Variants in HIP1 observed in about 807,000 individuals in gnomAD.
The protein encoded by HIP1 is huntingtin interacting protein 1.
A neutral mutation model predicts 147.6 loss-of-function variants in HIP1; 65 were observed. The observed-to-expected ratio is 0.44, with a 90% confidence interval of 0.36 to 0.54. The LOEUF is 0.54. Among genes scored for constraint, HIP1 ranks in the 20% least tolerant of loss-of-function variants. The pLI, the probability that HIP1 is intolerant of heterozygous loss-of-function variation, is 0.00. For missense variants in HIP1, 1,061 were observed against 1,299.6 expected (o/e 0.82, Z 2.82); for synonymous variants, 479 against 504.0 (o/e 0.95, Z 0.67).
At position 75,721,104 on chromosome 7, in the gene HIP1, C is replaced by T. The variant is rs143642812; in HGVS notation, c.120+17697G>A. On this transcript the variant is annotated intron_variant, in intron 1 of 30. Transcript: ENST00000336926. Reference sequence around the variant, plus strand: ...AAAATTAGCTGGTCACAGCCATGCACGGTGGCTCACACCTGTAATCCCAGC... The same window carrying T: ...AAAATTAGCTGGTCACAGCCATGCATGGTGGCTCACACCTGTAATCCCAGC... Among the ~76,000 whole-genome samples the T allele has an allele frequency of 6.2e-3, 937 of 151,268 alleles. 16 individuals are homozygous for T. The highest frequency in any genetic ancestry group is 0.021 in the African/African-American group (871 of 41,232).
chr7:75,693,919 CTTTTTTTT>C (rs10628011), intron 1 of HIP1, among the ~76,000 whole-genome samples: 2 of 114,876 alleles, frequency 1.7e-5, no homozygotes, highest in Admixed American at 1.1e-4. Flanking sequence ...ATTCTCTTTT[CTTTTTTTT>C]TTTTTTTTTT....
intron 9 of HIP1, among the ~76,000 whole-genome samples, chr7:75,567,361 G>T (rs1380953535): frequency 6.6e-6 from 1 of 151,224 alleles, no homozygotes; most frequent in Non-Finnish European, 1.5e-5. Context: ...GATGAAGTCT[G>T]GGGCATAAGC....
intron 1 of HIP1, among the ~76,000 whole-genome samples, chr7:75,704,547 A>G (rs759007537): frequency 7.1e-5 from 10 of 141,404 alleles, no homozygotes; most frequent in Non-Finnish European, 1.5e-4. Flanking sequence ...CCCAGCCTAC[A>G]TAACAGCTTA....
intron 1 of HIP1, among the ~76,000 whole-genome samples, chr7:75,696,541 C>T (rs1463056401): frequency 2.9e-5 from 3 of 105,006 alleles, no homozygotes; most frequent in African/African-American, 1.1e-4. Flanking sequence ...CCTCCCCTCC[C>T]TTCCCTTCCC....
chr7:75,713,943 G>A (rs1232974934), intron 1 of HIP1, among the ~76,000 whole-genome samples: 2 of 151,320 alleles, frequency 1.3e-5, no homozygotes, highest in South Asian at 2.1e-4. Context: ...CAAGTGATCC[G>A]TCCATCTCAG....
intron 1 of HIP1, among the ~76,000 whole-genome samples, chr7:75,608,449 C>A (rs782808617): frequency 6.6e-6 from 1 of 152,174 alleles, no homozygotes; most frequent in Non-Finnish European, 1.5e-5. Context: ...CAGTTCTCTA[C>A]ACAGATAAGG....
At chr7:75,585,061 G>A (rs1267786489) in intron 5 of HIP1, among the ~76,000 whole-genome samples, 1 of 151,922 alleles carries the variant, frequency 6.6e-6, no homozygotes. Context: ...TGTTGGTCAG[G>A]CTGGTCTCCA....
At chr7:75,713,231 G>A (rs1347520918) in intron 1 of HIP1, among the ~76,000 whole-genome samples, 3 of 152,174 alleles carry the variant, frequency 2.0e-5, no homozygotes, top group Non-Finnish European at 4.4e-5. Context: ...CACCAGCCCT[G>A]GCTTTGGCTC....
At chr7:75,709,317 C>CGGTCAGG (rs1801097003) in intron 1 of HIP1, among the ~76,000 whole-genome samples, 1 of 151,804 alleles carries the variant, frequency 6.6e-6, no homozygotes, top group Non-Finnish European at 1.5e-5. Context: ...TTCACCATGT[C>CGGTCAGG]GGTCAGGCTG....
chr7:75,674,493 C>CTTTTTGTTTT (rs1483310993), intron 1 of HIP1, among the ~76,000 whole-genome samples: 314 of 69,752 alleles, frequency 4.5e-3, no homozygotes, highest in African/African-American at 0.019. Flanking sequence ...AACTCTGCGG[C>CTTTTTGTTTT]TTTTTGTTTT....
chr7:75,595,255 C>T (rs145325816), intron 2 of HIP1, among the ~76,000 whole-genome samples: 3,864 of 66,648 alleles, frequency 0.058, 182 homozygotes, highest in East Asian at 0.12. Flanking sequence ...TTTCTTTCTT[C>T]CTTCCTTCCT....
At chr7:75,589,157 A>C (rs1259088853) in intron 4 of HIP1, among the ~76,000 whole-genome samples, 1 of 151,946 alleles carries the variant, frequency 6.6e-6, no homozygotes, top group East Asian at 1.9e-4. Context: ...TCTTAAAAAA[A>C]AAAAAAAGAA....
At chr7:75,719,315 C>T (rs36088145) in intron 1 of HIP1, among the ~76,000 whole-genome samples, 103,334 of 151,732 alleles carry the variant, frequency 0.68, 35,512 homozygotes, top group African/African-American at 0.77. Flanking sequence ...CCATCCTGGC[C>T]AACACGGTGA....
chr7:75,604,958 G>A (rs1453206051), intron 1 of HIP1, among the ~76,000 whole-genome samples: 1 of 152,174 alleles, frequency 6.6e-6, no homozygotes, highest in East Asian at 1.9e-4. Flanking sequence ...CACTGAGTGT[G>A]TGTGTATAGC....
At chr7:75,634,118 A>G (rs997201792) in intron 1 of HIP1, among the ~76,000 whole-genome samples, 3 of 151,936 alleles carry the variant, frequency 2.0e-5, no homozygotes, top group Admixed American at 6.6e-5. Context: ...GCAGTCAAAC[A>G]TGGTGGTGGT....
chr7:75,735,532 A>C (rs1356394703), intron 1 of HIP1, among the ~76,000 whole-genome samples: 1 of 152,054 alleles, frequency 6.6e-6, no homozygotes. Flanking sequence ...TTCATTTTTT[A>C]TATCTCATAA....
At chr7:75,655,918 G>C (rs1455321970) in intron 1 of HIP1, among the ~76,000 whole-genome samples, 1 of 151,996 alleles carries the variant, frequency 6.6e-6, no homozygotes, top group Non-Finnish European at 1.5e-5. Flanking sequence ...TCAGGAGTTT[G>C]AGCCTGGCCA....
Position 75,738,806 on chromosome 7 carries a change from T to A in HIP1, c.115A>T (p.Thr39Ser). 1 of 1,601,794 alleles carries A rather than the reference T, an allele frequency of 6.2e-7. No individual in the cohort carries two copies. The highest frequency in any genetic ancestry group is 1.7e-5 in the Admixed American group (1 of 59,182). Residue 39 changes from threonine to serine, a missense_variant, in exon 1 of 31, where the codon ACT becomes TCT. Thr to Ser is a moderately conservative substitution (Grantham distance 58, BLOSUM62 1). Around this residue, in one of 3 missense-constraint regions of HIP1, gnomAD observed 225 missense variants for 292.9 expected, o/e 0.77. Transcript: ENST00000336926. ...EAAERESFER[T>S]QTVSINKAIN... The stretch of plus-strand genomic sequence containing the variant: ...CCGGGGTCCCCCGTCCTCACCTGAG[T>A]CCGCTCGAAGCTCTCGCGCTCCGCC...
At chr7:75,540,042 G>A (rs1223219731) in intron 29 of HIP1, among the ~76,000 whole-genome samples, 2 of 152,268 alleles carry the variant, frequency 1.3e-5, no homozygotes, top group Non-Finnish European at 2.9e-5. Flanking sequence ...ACTGCTACAG[G>A]AAAAAGCCTG....
Sources: allele counts gnomAD v4.1 joint callset (sites outside exome capture counted in the v4.1 genomes callset), GRCh38; gene constraint gnomAD v4.1.1; regional missense constraint gnomAD v4.1.1; transcripts MANE v1.5; gene names NCBI Gene and HGNC (gene_info 2026-07-23, HGNC 2026-07-21).